Variants in INCENP observed in about 807,000 individuals in gnomAD.
INCENP encodes the protein inner centromere protein, also known as binds and activates aurora-B and -C in vivo and in vitro.
Under a neutral mutation model 107.3 loss-of-function variants are expected in INCENP, and 43 were observed. The ratio of observed to expected loss-of-function variants is 0.40; its 90% CI spans 0.31 to 0.52. INCENP has a LOEUF of 0.52. Ranked by LOEUF, INCENP falls within the 20% of genes least tolerant of loss-of-function variation. The pLI, the probability that INCENP is intolerant of heterozygous loss-of-function variation, is 0.53. For synonymous variants in INCENP, 488 were observed against 494.4 expected (o/e 0.99, Z 0.17); for missense variants, 1,089 against 1,250.9 (o/e 0.87, Z 1.95).
At chr11:62,146,363 G>T (rs941374042) in intron 14 of INCENP, among the ~76,000 whole-genome samples, 1 of 152,212 alleles carries the variant, frequency 6.6e-6, no homozygotes. Context: ...TTTTATAGAC[G>T]AGGAAACAGG....
At chr11:62,124,738 G>A (rs907013221) in intron 1 of INCENP, among the ~76,000 whole-genome samples, 1 of 152,164 alleles carries the variant, frequency 6.6e-6, no homozygotes, top group African/African-American at 2.4e-5. Context: ...ATAGCCAGTG[G>A]TTAAGGGCAC....
chr11:62,124,625 T>C (rs541050529), intron 1 of INCENP, among the ~76,000 whole-genome samples: 1 of 152,346 alleles, frequency 6.6e-6, no homozygotes, highest in South Asian at 2.1e-4. Flanking sequence ...GCCTGTTCGC[T>C]GTCAGCGGTT....
rs974411671 is a variant in INCENP at position 62,140,716 on chromosome 11, C to T, written c.1356C>T (p.Ser452=). 3 of 1,575,174 alleles carry T rather than the reference C, an allele frequency of 1.9e-6. No homozygotes were observed. In the African/African-American group the frequency reaches 4.1e-5, roughly 21 times the overall value. ...CGCGCCTTGGCAGGAGGAAGCGCAG[C>T]TACAAGCAGGCCGTGAGTGAGCTGG... The part of the protein sequence containing the change: ...EPPQSARRKR[S]YKQAVSELDE... Residue 452 remains serine, a synonymous_variant, in exon 9 of 19, where the codon AGC becomes AGT. Transcript: ENST00000394818.
At chr11:62,139,562 A>G (rs1944066482) in intron 7 of INCENP, among the ~76,000 whole-genome samples, 1 of 152,204 alleles carries the variant, frequency 6.6e-6, no homozygotes, top group Admixed American at 6.5e-5. Flanking sequence ...GTGGTCAGGG[A>G]CAATGGTCAT....
intron 1 of INCENP, among the ~76,000 whole-genome samples, chr11:62,125,842 T>G (rs1943737237): frequency 6.6e-6 from 1 of 152,204 alleles, no homozygotes; most frequent in African/African-American, 2.4e-5. Context: ...AGCAATTGTT[T>G]AGTGGGCAGG....
intron 4 of INCENP, among the ~76,000 whole-genome samples, chr11:62,133,285 C>T (rs1414371626): frequency 6.6e-6 from 1 of 152,138 alleles, no homozygotes; most frequent in Non-Finnish European, 1.5e-5. Flanking sequence ...GAAGGAAACA[C>T]CTGCACCAGA....
chr11:62,128,923 C>T (rs1459679878), intron 3 of INCENP, 40 bp downstream of exon 3: 1 of 1,321,418 alleles, frequency 7.6e-7, no homozygotes, highest in Non-Finnish European at 1.1e-6. Context: ...GCAGTGGGCT[C>T]TGCGGAGGCT....
intron 11 of INCENP, among the ~76,000 whole-genome samples, chr11:62,142,834 A>G (rs1944153190): frequency 6.6e-6 from 1 of 152,166 alleles, no homozygotes; most frequent in Admixed American, 6.5e-5. Flanking sequence ...TCGGTGTGGT[A>G]ATTAGGATCA....
chr11:62,147,730 G>A (rs2246572), intron 15 of INCENP, among the ~76,000 whole-genome samples: 3,302 of 152,262 alleles, frequency 0.022, 125 homozygotes, highest in African/African-American at 0.075. Context: ...TCACAGCCAG[G>A]GGGCTGCACT....
At chr11:62,141,458 G>A (rs770017911) in intron 10 of INCENP, 42 bp from the exon 11 acceptor site, 8 of 1,613,720 alleles carry the variant, frequency 5.0e-6, no homozygotes, top group Admixed American at 1.7e-5. Context: ...ATGCTCCCCG[G>A]CCTGGCATTA....
chr11:62,146,521 G>T (rs1469314684), intron 14 of INCENP, 137 bp from the exon 15 acceptor site: 23 of 1,317,344 alleles, frequency 1.7e-5, no homozygotes, highest in Non-Finnish European at 2.4e-5. Context: ...TGCTCGGGAT[G>T]TCCCACGGCG....
chr11:62,128,704 C>A, intron 2 of INCENP, 66 bp from the exon 3 acceptor site: 2 of 1,131,334 alleles, frequency 1.8e-6, no homozygotes, highest in Non-Finnish European at 2.7e-6. Flanking sequence ...AGGGGCCAGG[C>A]TGGGTGGGAG....
chr11:62,126,796 A>G (rs1296922895), intron 1 of INCENP, among the ~76,000 whole-genome samples: 1 of 143,038 alleles, frequency 7.0e-6, no homozygotes, highest in Non-Finnish European at 1.6e-5. Flanking sequence ...TATACTTTAT[A>G]TCTCTATATT....
chr11:62,149,070 T>TA (rs1392183950), intron 17 of INCENP, among the ~76,000 whole-genome samples: 3 of 152,116 alleles, frequency 2.0e-5, no homozygotes, highest in African/African-American at 7.2e-5. Context: ...TATACAGTTT[T>TA]AAAAAAAGGG....
chr11:62,142,068 C>T (rs1944136755), intron 11 of INCENP, among the ~76,000 whole-genome samples: 1 of 152,212 alleles, frequency 6.6e-6, no homozygotes, highest in African/African-American at 2.4e-5. Context: ...TCTCAGACAC[C>T]TCAGAGCTGA....
Position 62,140,975 on chromosome 11 carries a change from G to C in INCENP, c.1524G>C (p.Pro508=). ...AGAGGAACCAGATGCTCATGACCCCGACCTCAGCCCCACGCAGCGTCATGA... is the reference window on the plus strand; with the variant it reads ...AGAGGAACCAGATGCTCATGACCCCCACCTCAGCCCCACGCAGCGTCATGA... ...TVQRNQMLMT[P]TSAPRSVMKS... is the part of the protein sequence containing the mutation. Residue 508 remains proline, a synonymous_variant, in exon 10 of 19, where the codon CCG becomes CCC. Transcript: ENST00000394818. The C allele has an allele frequency of 6.2e-7, 1 of 1,614,168 alleles. No homozygotes were observed. The highest frequency in any genetic ancestry group is 1.3e-5 in the African/African-American group (1 of 75,032).
chr11:62,152,105 T>A lies in INCENP; in HGVS notation c.*129T>A. ...TGTGGAGGGCTTGGCCAGGTGTATA[T>A]AAACGTCCTCTGTGCTGGGTGTTTC... On this transcript the variant is annotated 3_prime_UTR_variant, in exon 19 of 19. Coordinates refer to ENST00000394818, the MANE Select transcript of INCENP (RefSeq NM_001040694.2). 2.2e-6 allele frequency: 1 copy of A among 455,878 alleles called. No individual in the cohort carries two copies. The highest frequency in any genetic ancestry group is 2.0e-5 in the South Asian group (1 of 51,076). 28.2% of individuals were successfully genotyped at this position (455,878 alleles called of 1,614,324 possible).
chr11:62,128,381 C>T lies in INCENP; in HGVS notation c.140+80C>T, dbSNP rs887185945. 4.0e-5 allele frequency: 60 copies of T among 1,509,444 alleles called. No individual in the cohort carries two copies. In the Middle Eastern group the frequency reaches 1.1e-3, roughly 27 times the overall value. 93.5% of individuals were successfully genotyped at this position (1,509,444 alleles called of 1,614,324 possible). A position where few individuals can be genotyped will look rare whatever the true frequency, so the allele number is the denominator to read the frequency against. The stretch of plus-strand genomic sequence containing the variant: ...TGGTCTTGGGGACACAACAGCCCCT[C>T]GTCCCCGCCTACCTGGCAAAACAGA... On this transcript the variant is annotated intron_variant, in intron 2 of 18. Transcript: ENST00000394818.
intron 7 of INCENP, among the ~76,000 whole-genome samples, chr11:62,139,885 G>T (rs1267391498): frequency 6.6e-6 from 1 of 152,202 alleles, no homozygotes; most frequent in African/African-American, 2.4e-5. Context: ...GCCTATCATA[G>T]AGCCAGGCAC....
Sources: allele counts gnomAD v4.1 joint callset (sites outside exome capture counted in the v4.1 genomes callset), GRCh38; gene constraint gnomAD v4.1.1; transcripts MANE v1.5; gene names NCBI Gene and HGNC (gene_info 2026-07-23, HGNC 2026-07-21).